The following KIF2A variants were observed in gnomAD, a reference collection of about 807,000 sequenced individuals.
KIF2A encodes kinesin family member 2A.
KIF2A carries 22 observed loss-of-function variants against 100.2 expected under a neutral mutation model. The observed-to-expected ratio is 0.22, with a 90% CI of 0.16 to 0.31. The LOEUF is 0.31. Ranked by LOEUF, KIF2A falls within the 10% of genes least tolerant of loss-of-function variation. KIF2A has a pLI of 1.00. For synonymous variants in KIF2A, 268 were observed against 285.9 expected (o/e 0.94, Z 0.63); for missense variants, 495 against 898.7 (o/e 0.55, Z 5.74).
rs10939939 is a variant in KIF2A at position 62,352,911 on chromosome 5, T to G, written c.457+201T>G. On this transcript the variant is annotated intron_variant, in intron 5 of 20. Coordinates refer to ENST00000407818, the MANE Select transcript of KIF2A (RefSeq NM_001098511.3). ...AAAGTATATTTTGGAGCAAAAATTT[T>G]TTTGTGAAATTATAGCAATGTTTCA... 110,498 of 448,768 alleles carry G rather than the reference T, an allele frequency of 0.25. 13,919 individuals carry two copies. The highest frequency in any genetic ancestry group is 0.29 in the Middle Eastern group (482 of 1,688). The allele number at this position is 448,768 out of a possible 1,614,324, so 27.8% of individuals were successfully genotyped here.
chr5:62,358,990 G>C (rs1748253199), intron 9 of KIF2A, among the ~76,000 whole-genome samples: 1 of 152,178 alleles, frequency 6.6e-6, no homozygotes, highest in Non-Finnish European at 1.5e-5. Context: ...CCTGTTATCA[G>C]TTAATTATTA....
intron 1 of KIF2A, among the ~76,000 whole-genome samples, chr5:62,332,957 T>C (rs967794793): frequency 3.9e-5 from 6 of 152,336 alleles, no homozygotes; most frequent in South Asian, 2.1e-4. Context: ...TAGAAATACA[T>C]TGAGGACAAG....
intron 13 of KIF2A, 29 bp downstream of exon 13, chr5:62,363,349 A>G: frequency 6.3e-7 from 1 of 1,597,244 alleles, no homozygotes. Context: ...AAGAAAGGAA[A>G]CATCAGTTTT....
chr5:62,336,364 G>A (rs1380708632), intron 1 of KIF2A, among the ~76,000 whole-genome samples: 3 of 152,174 alleles, frequency 2.0e-5, no homozygotes, highest in Admixed American at 6.5e-5. Context: ...ATCAAGGAAG[G>A]CAGCCCAGTA....
intron 17 of KIF2A, 50 bp downstream of exon 17, chr5:62,372,601 A>T (rs780317379): frequency 1.1e-5 from 12 of 1,048,546 alleles, no homozygotes; most frequent in Admixed American, 2.3e-5. Flanking sequence ...TTTCTTTTGA[A>T]TTGTGCTTTG....
chr5:62,377,452 C>G (rs1363459370), intron 18 of KIF2A, among the ~76,000 whole-genome samples: 1 of 152,142 alleles, frequency 6.6e-6, no homozygotes, highest in Non-Finnish European at 1.5e-5. Flanking sequence ...CCCTACTCAT[C>G]TAAGTTTTAG....
rs560219961 is a variant in KIF2A at position 62,347,947 on chromosome 5, A to C, written c.160-101A>C. 2.0e-4 allele frequency: 256 copies of C among 1,311,326 alleles called. No homozygotes were observed. The African/African-American group carries it at 3.4e-3, about 17-fold the overall frequency. The allele number at this position is 1,311,326 out of a possible 1,614,324, so 81.2% of individuals were successfully genotyped here. ...CCGAGTTACTGTATTCATTAGGCTA[A>C]AGTAATTTAAGAGTTATTTACTTCA... On this transcript the variant is annotated intron_variant, in intron 2 of 20. Transcript: ENST00000407818.
At chr5:62,352,994 T>C (rs1263747153) in intron 5 of KIF2A, 2 of 417,366 alleles carry the variant, frequency 4.8e-6, no homozygotes, top group Non-Finnish European at 8.4e-6. Flanking sequence ...GAAGAATGTG[T>C]TGGGCTCCTT....
chr5:62,371,811 A>G (rs964744829), intron 16 of KIF2A, among the ~76,000 whole-genome samples: 3 of 152,254 alleles, frequency 2.0e-5, no homozygotes, highest in Admixed American at 2.0e-4. Flanking sequence ...TTGGTTAAAT[A>G]TAACTATTGA....
chr5:62,306,807 C>T, intron 1 of KIF2A: 1 of 456,496 alleles, frequency 2.2e-6, no homozygotes, highest in Non-Finnish European at 3.9e-6. Flanking sequence ...CTCCGGGGGT[C>T]TCTGGGCGAG....
intron 14 of KIF2A, among the ~76,000 whole-genome samples, chr5:62,364,198 A>G (rs1489594814): frequency 1.3e-5 from 2 of 150,522 alleles, no homozygotes; most frequent in Non-Finnish European, 2.9e-5. Context: ...CCCAGGCTGG[A>G]GTGCAGTGAC....
intron 1 of KIF2A, among the ~76,000 whole-genome samples, chr5:62,328,990 A>C (rs1257550966): frequency 6.6e-6 from 1 of 152,182 alleles, no homozygotes; most frequent in Non-Finnish European, 1.5e-5. Flanking sequence ...ACTATTTTTT[A>C]CATCCCTTTT....
intron 1 of KIF2A, among the ~76,000 whole-genome samples, chr5:62,309,966 CT>C (rs992352299): frequency 1.5e-4 from 22 of 149,356 alleles, no homozygotes; most frequent in African/African-American, 3.2e-4. Context: ...GGGTCTGTAA[CT>C]TTTTTTTTTC....
At chr5:62,339,976 T>C (rs1042478218) in intron 1 of KIF2A, among the ~76,000 whole-genome samples, 1 of 150,978 alleles carries the variant, frequency 6.6e-6, no homozygotes. Context: ...TTTGCTCTTA[T>C]TGTCCAGGCT....
chr5:62,337,590 T>C (rs915823445), intron 1 of KIF2A, among the ~76,000 whole-genome samples: 1 of 152,104 alleles, frequency 6.6e-6, no homozygotes, highest in African/African-American at 2.4e-5. Context: ...CCCAGCACTT[T>C]GGGAGGCTGA....
At chr5:62,346,999 G>A (rs1014922051) in intron 1 of KIF2A, 131 bp from the exon 2 acceptor site, 3 of 593,710 alleles carry the variant, frequency 5.1e-6, no homozygotes, top group East Asian at 3.1e-5. Flanking sequence ...CTGAGGGTCT[G>A]TGGAAATCTC....
chr5:62,328,170 C>T (rs960483364), intron 1 of KIF2A, among the ~76,000 whole-genome samples: 1 of 151,972 alleles, frequency 6.6e-6, no homozygotes, highest in South Asian at 2.1e-4. Context: ...TTCTTTAACA[C>T]GTAAGTAAAG....
At chr5:62,309,877 G>T (rs895738606) in intron 1 of KIF2A, among the ~76,000 whole-genome samples, 1 of 152,078 alleles carries the variant, frequency 6.6e-6, no homozygotes, top group Non-Finnish European at 1.5e-5. Context: ...ACTAAAACCA[G>T]ATGGCCAGTC....
intron 1 of KIF2A, among the ~76,000 whole-genome samples, chr5:62,337,040 TATAA>T (rs1746990495): frequency 1.3e-5 from 2 of 149,790 alleles, no homozygotes; most frequent in African/African-American, 5.0e-5. Flanking sequence ...AAACTAATAC[TATAA>T]TTATTAAGGA....
Sources: gnomAD v4.1 joint callset for allele counts (sites outside exome capture counted in the v4.1 genomes callset) on GRCh38, gnomAD v4.1.1 for gene constraint, MANE v1.5 for transcripts, NCBI Gene and HGNC (gene_info 2026-07-23, HGNC 2026-07-21) for gene names.